Variants in PPM1A observed in about 807,000 individuals in gnomAD.
PPM1A encodes protein phosphatase, Mg2+/Mn2+ dependent 1A, also known as protein phosphatase 1A.
PPM1A carries 7 observed loss-of-function variants against 35.0 expected under a neutral mutation model. The observed-to-expected ratio is 0.20, with a 90% CI of 0.11 to 0.38. The LOEUF (loss-of-function observed/expected upper bound fraction) is 0.38. Among genes scored for constraint, PPM1A ranks in the 10% least tolerant of loss-of-function variants. The pLI, the probability that PPM1A is intolerant of heterozygous loss-of-function variation, is 1.00. For missense variants in PPM1A, 239 were observed against 467.8 expected, an observed-to-expected ratio of 0.51 and a Z score of 4.51; for synonymous variants, 153 against 167.3, an observed-to-expected ratio of 0.91 and a Z score of 0.66.
At chr14:60,246,059 G>GAACC, upstream of PPM1A, 1 of 1,561,098 alleles carries the variant, frequency 6.4e-7, no homozygotes, top group Non-Finnish European at 8.7e-7. Context: ...AGTGAGGGAG[G>GAACC]AAGGAATTGT....
At chr14:60,250,524 C>T (rs1285644214) in intron 1 of PPM1A, 2 of 727,972 alleles carry the variant, frequency 2.7e-6, no homozygotes, top group Non-Finnish European at 3.4e-6. Context: ...TACAAATCCA[C>T]AAAAGTCATG....
At chr14:60,281,372 A>C (rs1886393146) in intron 1 of PPM1A, among the ~76,000 whole-genome samples, 1 of 152,212 alleles carries the variant, frequency 6.6e-6, no homozygotes, top group African/African-American at 2.4e-5. Flanking sequence ...GTTTGGACCT[A>C]TAAGGAAAAT....
chr14:60,286,959 A>G lies in PPM1A; in HGVS notation c.952+1218A>G, dbSNP rs543696875. 16 of 887,340 alleles carry G rather than the reference A, an allele frequency of 1.8e-5. No homozygotes were observed. The South Asian group carries it at 7.3e-4, about 40-fold the overall frequency. 55.0% of individuals were successfully genotyped at this position (887,340 alleles called of 1,614,324 possible). The stretch of plus-strand genomic sequence containing the variant: ...ATAAGTTATTTATAGGTATAGTACA[A>G]TTTTAAAATATTTAGAATGCTACAA... On this transcript the variant is annotated intron_variant, in intron 3 of 5. Coordinates refer to ENST00000395076, the MANE Select transcript of PPM1A (RefSeq NM_021003.5).
upstream of PPM1A, among the ~76,000 whole-genome samples, chr14:60,248,075 C>T (rs1194323885): frequency 1.3e-5 from 2 of 152,090 alleles, no homozygotes; most frequent in Admixed American, 6.5e-5. Flanking sequence ...GGAAGGGCAC[C>T]CCAGCCAATG....
upstream of PPM1A, among the ~76,000 whole-genome samples, chr14:60,247,561 C>A (rs986190559): frequency 2.3e-5 from 3 of 129,392 alleles, no homozygotes. Flanking sequence ...ACCCGGGAGG[C>A]GGAGCTTGCA....
At chr14:60,247,552 C>G (rs961627914), upstream of PPM1A, among the ~76,000 whole-genome samples, 1 of 146,316 alleles carries the variant, frequency 6.8e-6, no homozygotes, top group Admixed American at 6.9e-5. Context: ...ATGGCATGAA[C>G]CCGGGAGGCG....
rs1315212157 is a variant in PPM1A, at chr14:60,283,223, C to T, written c.520C>T (p.Arg174Ter). The T allele has an allele frequency of 6.2e-7, 1 of 1,614,076 alleles. No individual in the cohort carries two copies. Among genetic ancestry groups the T allele is most frequent in the Non-Finnish European group, 8.5e-7 (1 of 1,180,056 alleles). ...ACCAAGTAATCCGCTGGAGAAAGAA[C>T]GAATTCAGAATGCAGGTGGCTCTGT... ...HKPSNPLEKE[R>*]IQNAGGSVMI... is the part of the protein sequence containing the mutation. Residue 174 changes from arginine (R) to a stop codon, truncating the protein, a stop_gained, in exon 2 of 6, where the codon CGA becomes TGA. Coordinates refer to ENST00000395076, the MANE Select transcript of PPM1A (RefSeq NM_021003.5). LOFTEE classifies it high-confidence loss of function. The surrounding 1 kb of genome is among the most constrained non-coding windows in gnomAD (Gnocchi z 6.3).
In PPM1A at chr14:60,282,757, G is replaced by T; in HGVS notation, c.54G>T (p.Gln18His). 6.2e-7 allele frequency: 1 copy of T among 1,614,252 alleles called. No homozygotes were observed. Among genetic ancestry groups the T allele is most frequent in the Non-Finnish European group, 8.5e-7 (1 of 1,180,046 alleles). Reference protein sequence around the residue: ...PKMEKHNAQGQGNGLRYGLSS... With the variant: ...PKMEKHNAQGHGNGLRYGLSS... ...TGGAAAAGCATAATGCCCAGGGGCA[G>T]GGTAATGGGTTGCGATATGGGCTAA... The change falls in exon 2 of 6, where the codon CAG (glutamine) becomes CAT (histidine). Residue 18 changes from glutamine to histidine, a missense_variant. This residue lies in a region of PPM1A where 175 missense variants were observed against 389.2 expected (regional missense o/e 0.45). Transcript: ENST00000395076. The surrounding 1 kb of genome is among the most constrained non-coding windows in gnomAD (Gnocchi z 5.1).
rs1888212024 is a variant in PPM1A at position 60,298,295 on chromosome 14, A to C, written c.*5813A>C. ...TTACCTGTCAGATCTCCAGGTTTTA[A>C]GATTTTGAGCTTTCTAGTATTAGGA... is the stretch of plus-strand genomic sequence containing the variant. On this transcript the variant is annotated 3_prime_UTR_variant, in exon 6 of 6. Transcript: ENST00000395076. The C allele has an allele frequency of 6.6e-6, 1 of 151,706 alleles. No individual in the cohort carries two copies. The highest frequency in any genetic ancestry group is 2.4e-5 in the African/African-American group (1 of 41,404). 9.4% of individuals were successfully genotyped at this position (151,706 alleles called of 1,614,324 possible). A position where few individuals can be genotyped will look rare whatever the true frequency, so the allele number is the denominator to read the frequency against.
chr14:60,248,328 C>T (rs1014266532), upstream of PPM1A, among the ~76,000 whole-genome samples: 4 of 152,218 alleles, frequency 2.6e-5, no homozygotes, highest in East Asian at 7.7e-4. Context: ...CTTAACCTAC[C>T]TCATTGGAGG....
chr14:60,250,701 A>G (rs1882294914), intron 1 of PPM1A, among the ~76,000 whole-genome samples: 1 of 152,250 alleles, frequency 6.6e-6, no homozygotes, highest in African/African-American at 2.4e-5. Context: ...GAGAGAAATT[A>G]GACATTTTAA....
chr14:60,268,984 T>C (rs1884745971), intron 1 of PPM1A, among the ~76,000 whole-genome samples: 3 of 151,592 alleles, frequency 2.0e-5, no homozygotes, highest in African/African-American at 7.3e-5. Flanking sequence ...GGGGAGTGTG[T>C]TAGAAATCTA....
intron 3 of PPM1A, chr14:60,288,073 C>CT (rs1887224040): frequency 1.0e-6 from 1 of 981,390 alleles, no homozygotes; most frequent in African/African-American, 1.7e-5. Flanking sequence ...ATTTATTTTT[C>CT]TTTTTTGAAA....
intron 1 of PPM1A, among the ~76,000 whole-genome samples, chr14:60,262,544 G>A (rs1364379071): frequency 6.6e-6 from 1 of 152,094 alleles, no homozygotes; most frequent in Non-Finnish European, 1.5e-5. Context: ...AAATTAGCTG[G>A]ACGTGGTGGC....
rs1882115135 is a variant in PPM1A at position 60,249,783 on chromosome 14, G to A, written c.-21+106G>A. The A allele has an allele frequency of 9.9e-6, 7 of 705,676 alleles. No individual in the cohort carries two copies. The highest frequency in any genetic ancestry group is 6.0e-5 in the South Asian group (1 of 16,554). 43.7% of individuals were successfully genotyped at this position (705,676 alleles called of 1,614,324 possible). ...CTGTAAACAAGCCGGGCGTCTGCCC[G>A]GGCGCTCCCGGGAGGAGACGCGACA... On this transcript the variant is annotated intron_variant, in intron 1 of 5. Coordinates refer to ENST00000395076, the MANE Select transcript of PPM1A (RefSeq NM_021003.5). The surrounding 1 kb of genome is among the most constrained non-coding windows in gnomAD (Gnocchi z 4.5).
chr14:60,250,748 G>A (rs1272637788), intron 1 of PPM1A, among the ~76,000 whole-genome samples: 1 of 152,158 alleles, frequency 6.6e-6, no homozygotes, highest in Non-Finnish European at 1.5e-5. Context: ...AAACTTGCAC[G>A]TTGGGGTTTT....
chr14:60,264,505 G>A (rs767752864), intron 1 of PPM1A, among the ~76,000 whole-genome samples: 14 of 152,188 alleles, frequency 9.2e-5, no homozygotes, highest in South Asian at 2.1e-4. Flanking sequence ...ACTGTGACAT[G>A]TTAATATTTG....
chr14:60,251,370 G>A (rs1176483187), intron 1 of PPM1A, among the ~76,000 whole-genome samples: 1 of 152,056 alleles, frequency 6.6e-6, no homozygotes, highest in Non-Finnish European at 1.5e-5. Flanking sequence ...CTTTTTATTT[G>A]GCTTGTATCT....
rs929725564 is a variant in PPM1A at position 60,286,085 on chromosome 14, A to G, written c.952+344A>G. 5 of 996,580 alleles carry G rather than the reference A, an allele frequency of 5.0e-6. No individual in the cohort carries two copies. The African/African-American group carries it at 8.7e-5, about 17-fold the overall frequency. 61.7% of individuals were successfully genotyped at this position (996,580 alleles called of 1,614,324 possible). On this transcript the variant is annotated intron_variant, in intron 3 of 5. Coordinates refer to ENST00000395076, the MANE Select transcript of PPM1A (RefSeq NM_021003.5). ...CTGATTTGTGGTCTATTTAATTACA[A>G]AGAGATTGTGATGGTGATAATTTGA...
Sources: allele counts gnomAD v4.1 joint callset (sites outside exome capture counted in the v4.1 genomes callset), GRCh38; gene constraint gnomAD v4.1.1; regional missense constraint gnomAD v4.1.1; non-coding constraint Gnocchi (gnomAD v3.1); transcripts MANE v1.5; gene names NCBI Gene and HGNC (gene_info 2026-07-23, HGNC 2026-07-21).